Variants in ABLIM2 observed in about 807,000 individuals in gnomAD.
The protein encoded by ABLIM2 is actin binding LIM protein family member 2.
A neutral mutation model predicts 97.7 loss-of-function variants in ABLIM2; 53 were observed. The ratio of observed to expected loss-of-function variants is 0.54; its 90% CI spans 0.44 to 0.68. ABLIM2 has a LOEUF of 0.68. ABLIM2 is among the 30% of genes least tolerant of loss of function. ABLIM2 has a pLI of 0.00. For synonymous variants in ABLIM2, 361 were observed against 345.8 expected (o/e 1.04, Z -0.49); for missense variants, 835 against 867.2 (o/e 0.96, Z 0.47).
rs1191858712 is a variant in ABLIM2, at chr4:7,998,356, A to T, written c.1619-5429T>A. Among the ~76,000 whole-genome samples, 1 of 152,174 alleles carries T rather than the reference A, an allele frequency of 6.6e-6. No homozygotes were observed. Among genetic ancestry groups the T allele is most frequent in the Non-Finnish European group, 1.5e-5 (1 of 68,038 alleles). ...CACCCTGTTTAGGTTTCGCGTGTAC[A>T]GCCTGTTCTTTTGGAGGCTACGGTT... On this transcript the variant is annotated intron_variant, in intron 16 of 20. Coordinates refer to ENST00000447017, the MANE Select transcript of ABLIM2 (RefSeq NM_001130083.2). The surrounding 1 kb of genome is among the most constrained non-coding windows in gnomAD (Gnocchi z 6.4).
intron 20 of ABLIM2, among the ~76,000 whole-genome samples, chr4:7,973,874 T>C (rs530815995): frequency 1.3e-5 from 2 of 152,108 alleles, no homozygotes; most frequent in African/African-American, 4.8e-5. Context: ...GGTCATGCAT[T>C]AGTCTAGATG....
At chr4:8,145,759 C>CACACAA (rs1851692282) in intron 1 of ABLIM2, among the ~76,000 whole-genome samples, 2 of 139,166 alleles carry the variant, frequency 1.4e-5, no homozygotes, top group African/African-American at 5.4e-5. Flanking sequence ...CACACACACA[C>CACACAA]ACACACACAC....
At chr4:7,990,361 C>T (rs971609588) in intron 17 of ABLIM2, among the ~76,000 whole-genome samples, 4 of 152,110 alleles carry the variant, frequency 2.6e-5, no homozygotes, top group Admixed American at 2.6e-4. Flanking sequence ...CCATACCTTG[C>T]TAATTTTTGT....
chr4:8,066,896 C>T (rs913409738), intron 6 of ABLIM2, among the ~76,000 whole-genome samples: 10 of 152,164 alleles, frequency 6.6e-5, no homozygotes, highest in African/African-American at 2.2e-4. Flanking sequence ...TTGTACGTTA[C>T]GTGAATGTCA....
Position 8,010,315 on chromosome 4 carries a change from C to T in ABLIM2, c.1424-1213G>A, listed in dbSNP as rs1022641876. On this transcript the variant is annotated intron_variant, in intron 14 of 20. Coordinates refer to ENST00000447017, the MANE Select transcript of ABLIM2 (RefSeq NM_001130083.2). The stretch of plus-strand genomic sequence containing the variant: ...GGTAAACACCCACACCTTGTGTATC[C>T]CTTACAGAAACACTGACCCCATGCA... 1.5e-5 allele frequency: 14 copies of T among 948,800 alleles called. No homozygotes were observed. In the African/African-American group the frequency reaches 2.1e-4, roughly 14 times the overall value. The allele number at this position is 948,800 out of a possible 1,614,324, so 58.8% of individuals were successfully genotyped here.
chr4:7,993,804 G>A (rs1380948630), intron 16 of ABLIM2: 6 of 428,168 alleles, frequency 1.4e-5, no homozygotes, highest in Admixed American at 7.9e-5. Context: ...GATTCCCTGT[G>A]GGGCAAGGCT....
chr4:8,120,403 T>G lies in ABLIM2; in HGVS notation c.11-13766A>C, dbSNP rs1844871984. Among the ~76,000 whole-genome samples the G allele has an allele frequency of 6.6e-6, 1 of 151,864 alleles. No individual in the cohort carries two copies. The highest frequency in any genetic ancestry group is 6.6e-5 in the Admixed American group (1 of 15,250). ...TGACTGGTGTCAGAAAAAGGGGAAA[T>G]GTGGACACAGAGACAACCCCAGACA... On this transcript the variant is annotated intron_variant, in intron 1 of 20. Coordinates refer to ENST00000447017, the MANE Select transcript of ABLIM2 (RefSeq NM_001130083.2). The surrounding 1 kb of genome is among the most constrained non-coding windows in gnomAD (Gnocchi z 5.6).
At chr4:8,039,429 T>A (rs889254389) in intron 9 of ABLIM2, among the ~76,000 whole-genome samples, 2 of 152,144 alleles carry the variant, frequency 1.3e-5, no homozygotes, top group African/African-American at 4.8e-5. Flanking sequence ...CAACAGCCCC[T>A]GCCCGACCCC....
intron 14 of ABLIM2, among the ~76,000 whole-genome samples, chr4:8,009,736 C>T (rs901615449): frequency 6.6e-6 from 1 of 152,226 alleles, no homozygotes. Flanking sequence ...AAACCTCCCA[C>T]GTAACACAAG....
Position 8,112,780 on chromosome 4 carries a change from G to A in ABLIM2, c.11-6143C>T, listed in dbSNP as rs758542827. 3.9e-5 allele frequency among the ~76,000 whole-genome samples: 6 copies of A among 152,182 alleles called. No individual in the cohort carries two copies. The highest frequency in any genetic ancestry group is 8.8e-5 in the Non-Finnish European group (6 of 68,036). ...CTCATCTCACGGATGAGGATGCCAA[G>A]GCTAGGAGATGGTCACACGGCTAAG... On this transcript the variant is annotated intron_variant, in intron 1 of 20. Coordinates refer to ENST00000447017, the MANE Select transcript of ABLIM2 (RefSeq NM_001130083.2). This position sits in a 1 kb window ranked among gnomAD's most constrained non-coding sequence, Gnocchi z 4.2.
chr4:8,143,220 C>G (rs776705974), intron 1 of ABLIM2, among the ~76,000 whole-genome samples: 1 of 151,548 alleles, frequency 6.6e-6, no homozygotes, highest in Non-Finnish European at 1.5e-5. Context: ...TCACAGCGTC[C>G]CAGGCTGAGG....
intron 1 of ABLIM2, among the ~76,000 whole-genome samples, chr4:8,138,752 A>G (rs1850529221): frequency 6.6e-6 from 1 of 152,264 alleles, no homozygotes; most frequent in African/African-American, 2.4e-5. Flanking sequence ...CCAAAACAAT[A>G]AAAACCCTAG....
Position 8,022,044 on chromosome 4 carries a change from C to T in ABLIM2, c.1268-1741G>A, listed in dbSNP as rs897628084. 4.6e-5 allele frequency among the ~76,000 whole-genome samples: 7 copies of T among 152,162 alleles called. No individual in the cohort carries two copies. Among genetic ancestry groups the T allele is most frequent in the South Asian group, 2.1e-4 (1 of 4,820 alleles). ...AGCAGGGAGACTGGACTCACGTGCC[C>T]GGAAAGGACACCGCGGATCCCTCCT... On this transcript the variant is annotated intron_variant, in intron 12 of 20. Coordinates refer to ENST00000447017, the MANE Select transcript of ABLIM2 (RefSeq NM_001130083.2). The surrounding 1 kb of genome is among the most constrained non-coding windows in gnomAD (Gnocchi z 7.8).
chr4:8,146,690 C>A (rs1226194933), intron 1 of ABLIM2, among the ~76,000 whole-genome samples: 2 of 152,120 alleles, frequency 1.3e-5, no homozygotes, highest in African/African-American at 4.8e-5. Flanking sequence ...GGCACATGCC[C>A]AGCTAATTTT....
intron 1 of ABLIM2, among the ~76,000 whole-genome samples, chr4:8,154,048 T>C (rs527986856): frequency 1.9e-4 from 28 of 151,052 alleles, no homozygotes; most frequent in African/African-American, 5.3e-4. Context: ...CTGCAAGCTC[T>C]GCCTCCCAGG....
Position 7,992,747 on chromosome 4 carries a change from G to T in ABLIM2, c.1680+119C>A. The T allele has an allele frequency of 9.0e-7, 1 of 1,105,408 alleles. No homozygotes were observed. Among genetic ancestry groups the T allele is most frequent in the Non-Finnish European group, 1.3e-6 (1 of 749,578 alleles). 68.5% of individuals were successfully genotyped at this position (1,105,408 alleles called of 1,614,324 possible). A position where few individuals can be genotyped will look rare whatever the true frequency, so the allele number is the denominator to read the frequency against. On this transcript the variant is annotated intron_variant, in intron 17 of 20. Transcript: ENST00000447017. The surrounding 1 kb of genome is among the most constrained non-coding windows in gnomAD (Gnocchi z 5.7). ...TGGGAAGGGCATCAGGCAGAGGCAG[G>T]TGGGCCGCGGGGTCCCCGGGGCCTC... is the stretch of plus-strand genomic sequence containing the variant.
intron 1 of ABLIM2, among the ~76,000 whole-genome samples, chr4:8,137,967 G>T (rs1404144698): frequency 1.3e-5 from 2 of 152,272 alleles, no homozygotes; most frequent in Non-Finnish European, 2.9e-5. Flanking sequence ...CAGCCATTCA[G>T]TGGAATATTA....
At chr4:8,110,725 A>G (rs111840976) in intron 1 of ABLIM2, among the ~76,000 whole-genome samples, 43 of 152,210 alleles carry the variant, frequency 2.8e-4, no homozygotes, top group African/African-American at 9.6e-4. Flanking sequence ...GGAGGCCCCA[A>G]TCTCGCCTGC....
chr4:7,992,593 C>T lies in ABLIM2; in HGVS notation c.1680+273G>A, dbSNP rs75751128. Among the ~76,000 whole-genome samples the T allele has an allele frequency of 0.039, 5,940 of 152,174 alleles. 262 individuals carry two copies. Among genetic ancestry groups the T allele is most frequent in the African/African-American group, 0.11 (4,540 of 41,508 alleles). On this transcript the variant is annotated intron_variant, in intron 17 of 20. Transcript: ENST00000447017. The surrounding 1 kb of genome is among the most constrained non-coding windows in gnomAD (Gnocchi z 5.7). ...CTGCGCCTGATCACTCTGGGTGGCCCTTGTCTCCCCTGCTCCCACACACTG... is the reference window on the plus strand; with the variant it reads ...CTGCGCCTGATCACTCTGGGTGGCCTTTGTCTCCCCTGCTCCCACACACTG...
Sources: allele counts gnomAD v4.1 joint callset (sites outside exome capture counted in the v4.1 genomes callset), GRCh38; gene constraint gnomAD v4.1.1; non-coding constraint Gnocchi (gnomAD v3.1); transcripts MANE v1.5; gene names NCBI Gene and HGNC (gene_info 2026-07-23, HGNC 2026-07-21).